SPOCK1: variants seen among roughly 807,000 people sequenced by gnomAD.
The protein encoded by SPOCK1 is testican-1.
In SPOCK1, 23 loss-of-function variants were observed where a neutral mutation model predicts 55.3. That is an observed-to-expected ratio of 0.42 (90% CI 0.30 to 0.59). The LOEUF (loss-of-function observed/expected upper bound fraction) is 0.59, where lower values mean the gene tolerates loss of function less well. SPOCK1 is among the 20% of genes least tolerant of loss of function. SPOCK1 has a pLI of 0.22. For missense variants in SPOCK1, 499 were observed against 552.5 expected (o/e 0.90, Z 0.97); for synonymous variants, 226 against 221.0 (o/e 1.02, Z -0.20).
chr5:137,305,816 T>C (rs1580857578), intron 2 of SPOCK1, among the ~76,000 whole-genome samples: 1 of 152,130 alleles, frequency 6.6e-6, no homozygotes, highest in Non-Finnish European at 1.5e-5. Flanking sequence ...GAGCCTCAGG[T>C]CTCCTTCTTG....
At chr5:137,224,631 A>G (rs1016118725) in intron 3 of SPOCK1, among the ~76,000 whole-genome samples, 2 of 152,224 alleles carry the variant, frequency 1.3e-5, no homozygotes, top group African/African-American at 4.8e-5. Flanking sequence ...AGCTGACTCT[A>G]TTGAGCTTAA....
intron 5 of SPOCK1, among the ~76,000 whole-genome samples, chr5:137,079,476 C>T (rs1457782724): frequency 6.6e-6 from 1 of 151,772 alleles, no homozygotes; most frequent in East Asian, 1.9e-4. Context: ...GGTATCTGGA[C>T]TGTCACAGTC....
chr5:137,494,216 C>T (rs1754249057), intron 2 of SPOCK1, among the ~76,000 whole-genome samples: 1 of 152,338 alleles, frequency 6.6e-6, no homozygotes, highest in Non-Finnish European at 1.5e-5. Context: ...TAAGCCCTGA[C>T]ATGACCCCCA....
intron 3 of SPOCK1, among the ~76,000 whole-genome samples, chr5:137,257,913 G>A (rs1425959291): frequency 6.6e-6 from 1 of 152,144 alleles, no homozygotes; most frequent in Non-Finnish European, 1.5e-5. Context: ...CCCCTGAGGA[G>A]AGCACTGTCA....
chr5:137,292,207 C>T (rs1757382742), intron 2 of SPOCK1, among the ~76,000 whole-genome samples: 1 of 151,976 alleles, frequency 6.6e-6, no homozygotes, highest in African/African-American at 2.4e-5. Context: ...AATCCTAACA[C>T]AGTAGAGGTC....
intron 3 of SPOCK1, among the ~76,000 whole-genome samples, chr5:137,170,587 T>TTCTCTCTCTC (rs56347412): frequency 8.4e-5 from 12 of 142,600 alleles, no homozygotes; most frequent in Admixed American, 2.1e-4. Flanking sequence ...AGCCTGTTAT[T>TTCTCTCTCTC]TCTCTCTCTC....
intron 5 of SPOCK1, among the ~76,000 whole-genome samples, chr5:137,088,727 T>C (rs1243847594): frequency 6.6e-6 from 1 of 152,058 alleles, no homozygotes; most frequent in Non-Finnish European, 1.5e-5. Context: ...ATGGATCAAT[T>C]AGCATATGAT....
chr5:137,209,521 T>C (rs1755573103), intron 3 of SPOCK1, among the ~76,000 whole-genome samples: 2 of 152,224 alleles, frequency 1.3e-5, no homozygotes, highest in South Asian at 4.1e-4. Flanking sequence ...ACCATTTTCA[T>C]AATAATTTGT....
chr5:136,982,589 T>C (rs889253614), intron 9 of SPOCK1, among the ~76,000 whole-genome samples: 1 of 151,962 alleles, frequency 6.6e-6, no homozygotes, highest in Non-Finnish European at 1.5e-5. Context: ...TAGTAAAATC[T>C]ACAGTTAATC....
chr5:137,225,207 T>C (rs559956292), intron 3 of SPOCK1, among the ~76,000 whole-genome samples: 69 of 152,142 alleles, frequency 4.5e-4, no homozygotes, highest in Admixed American at 1.1e-3. Context: ...AGTGGCCAAG[T>C]GCAGAACTGG....
At chr5:137,067,415 A>C (rs1752529473) in intron 6 of SPOCK1, among the ~76,000 whole-genome samples, 1 of 152,198 alleles carries the variant, frequency 6.6e-6, no homozygotes, top group Non-Finnish European at 1.5e-5. Flanking sequence ...GATGTACCCC[A>C]GGGCAGGTCC....
intron 2 of SPOCK1, among the ~76,000 whole-genome samples, chr5:137,360,317 C>G (rs1413178672): frequency 3.3e-5 from 5 of 152,208 alleles, no homozygotes; most frequent in South Asian, 4.1e-4. Context: ...CACCTCACAT[C>G]TTACAAAGGC....
At chr5:137,259,781 C>G (rs1367704971) in intron 3 of SPOCK1, among the ~76,000 whole-genome samples, 1 of 151,700 alleles carries the variant, frequency 6.6e-6, no homozygotes, top group African/African-American at 2.4e-5. Flanking sequence ...TTGATTTGAG[C>G]ACTTTCAACT....
At chr5:137,285,957 T>C (rs1398064367) in intron 2 of SPOCK1, among the ~76,000 whole-genome samples, 1 of 152,172 alleles carries the variant, frequency 6.6e-6, no homozygotes, top group Non-Finnish European at 1.5e-5. Context: ...CACACATTCA[T>C]CTTCTTTTTA....
At chr5:137,373,707 G>T (rs953611531) in intron 2 of SPOCK1, among the ~76,000 whole-genome samples, 2 of 152,172 alleles carry the variant, frequency 1.3e-5, no homozygotes, top group African/African-American at 4.8e-5. Context: ...CTGAGCTCAA[G>T]GTAAAATCCC....
intron 6 of SPOCK1, among the ~76,000 whole-genome samples, chr5:137,043,386 C>G (rs180794104): frequency 1.3e-5 from 2 of 152,064 alleles, no homozygotes; most frequent in Non-Finnish European, 1.5e-5. Context: ...AGACACTCTA[C>G]CCTGAAGCAT....
intron 2 of SPOCK1, among the ~76,000 whole-genome samples, chr5:137,415,398 GTTAAGAAGCATAC>G (rs1054982006): frequency 2.6e-5 from 4 of 152,198 alleles, no homozygotes; most frequent in Non-Finnish European, 4.4e-5. Flanking sequence ...AAGGCCAGTG[GTTAAGAAGCATAC>G]TGTGAGCTAC....
intron 3 of SPOCK1, among the ~76,000 whole-genome samples, chr5:137,160,214 G>T (rs1240528846): frequency 6.6e-6 from 1 of 150,456 alleles, no homozygotes; most frequent in East Asian, 2.0e-4. Context: ...TACGATGTTT[G>T]GTTTTCCATT....
At chr5:137,442,828 C>T (rs1347231254) in intron 2 of SPOCK1, among the ~76,000 whole-genome samples, 2 of 152,226 alleles carry the variant, frequency 1.3e-5, no homozygotes, top group Non-Finnish European at 2.9e-5. Context: ...CCACAATTCA[C>T]GGTGCAATTA....
Sources: allele counts gnomAD v4.1 joint callset (sites outside exome capture counted in the v4.1 genomes callset), GRCh38; gene constraint gnomAD v4.1.1; transcripts MANE v1.5; gene names NCBI Gene and HGNC (gene_info 2026-07-23, HGNC 2026-07-21).